FHOD3: variants seen among roughly 807,000 people sequenced by gnomAD.
FHOD3 encodes the protein formin homology 2 domain containing 3.
A neutral mutation model predicts 173.0 loss-of-function variants in FHOD3; 90 were observed. The observed-to-expected ratio is 0.52, with a 90% CI of 0.44 to 0.62. FHOD3 has a LOEUF of 0.62. Among genes scored for constraint, FHOD3 ranks in the 20% least tolerant of loss-of-function variants. FHOD3 has a pLI of 0.00. For missense variants in FHOD3, 1,945 were observed against 2,034.7 expected (o/e 0.96, Z 0.85); for synonymous variants, 828 against 823.0 (o/e 1.01, Z -0.10).
intron 23 of FHOD3, among the ~76,000 whole-genome samples, chr18:36,745,778 C>T (rs1330580087): frequency 6.7e-6 from 1 of 148,950 alleles, no homozygotes; most frequent in Non-Finnish European, 1.5e-5. Context: ...GCACCTGCCA[C>T]TCATCCCCCC....
chr18:36,623,374 T>C (rs2033856495), intron 9 of FHOD3, among the ~76,000 whole-genome samples: 3 of 152,218 alleles, frequency 2.0e-5, no homozygotes, highest in African/African-American at 7.2e-5. Context: ...TCAGAATAAG[T>C]TCAAATGGTC....
At chr18:36,369,421 C>CTTTGT (rs1173829183) in intron 2 of FHOD3, among the ~76,000 whole-genome samples, 1 of 130,084 alleles carries the variant, frequency 7.7e-6, no homozygotes, top group East Asian at 2.6e-4. Flanking sequence ...GGTGGATGTC[C>CTTTGT]TTTGTTTTAT....
At chr18:36,414,524 G>A (rs1448322798) in intron 3 of FHOD3, among the ~76,000 whole-genome samples, 5 of 152,188 alleles carry the variant, frequency 3.3e-5, no homozygotes, top group Non-Finnish European at 2.9e-5. Flanking sequence ...TGCCACAGAA[G>A]CTCCTGTCTT....
intron 11 of FHOD3, among the ~76,000 whole-genome samples, chr18:36,649,896 C>T (rs2035935972): frequency 1.3e-5 from 2 of 152,200 alleles, no homozygotes; most frequent in Non-Finnish European, 2.9e-5. Flanking sequence ...CCCCATGCAT[C>T]ATAGCAAAAT....
chr18:36,630,237 A>G (rs2034415198), intron 10 of FHOD3, among the ~76,000 whole-genome samples: 1 of 152,176 alleles, frequency 6.6e-6, no homozygotes, highest in African/African-American at 2.4e-5. Flanking sequence ...GATCTATAGA[A>G]TATATTTCTA....
intron 3 of FHOD3, among the ~76,000 whole-genome samples, chr18:36,464,370 A>G (rs1212378765): frequency 6.6e-6 from 1 of 152,182 alleles, no homozygotes; most frequent in Non-Finnish European, 1.5e-5. Flanking sequence ...GAAAATGCTT[A>G]CTGCTATTTG....
chr18:36,649,465 T>G, intron 11 of FHOD3, 60 bp downstream of exon 11: 1 of 1,322,972 alleles, frequency 7.6e-7, no homozygotes, highest in Non-Finnish European at 1.0e-6. Flanking sequence ...TTCCTAATGA[T>G]AGTTCACTGC....
chr18:36,436,971 C>T (rs1415659122), intron 3 of FHOD3, among the ~76,000 whole-genome samples: 1 of 152,208 alleles, frequency 6.6e-6, no homozygotes, highest in Non-Finnish European at 1.5e-5. Context: ...TTAGACATAT[C>T]TTAGCCCCTG....
chr18:36,448,732 A>G (rs910911922), intron 3 of FHOD3, among the ~76,000 whole-genome samples: 9 of 60,922 alleles, frequency 1.5e-4, no homozygotes, highest in African/African-American at 1.1e-3. Flanking sequence ...ACAACTCAGG[A>G]TGGGAGCCTG....
chr18:36,497,998 A>G (rs760723178), intron 3 of FHOD3, among the ~76,000 whole-genome samples: 1 of 152,212 alleles, frequency 6.6e-6, no homozygotes, highest in Non-Finnish European at 1.5e-5. Flanking sequence ...GATAAAGTAT[A>G]TGTTCTGACC....
intron 3 of FHOD3, among the ~76,000 whole-genome samples, chr18:36,426,530 G>T (rs1451211482): frequency 6.6e-6 from 1 of 152,222 alleles, no homozygotes; most frequent in East Asian, 1.9e-4. Context: ...GACTGGGGGA[G>T]CAGGTGCCTA....
chr18:36,709,138 A>G lies in FHOD3; in HGVS notation c.2280A>G (p.Glu760=). ...DPEPESEAEP[E]AEAGAGQVAD... ...AACCCGAATCAGAGGCAGAACCGGAAGCAGAGGCAGGGGCGGGGCAGGTTG... is the reference window on the plus strand; with the variant it reads ...AACCCGAATCAGAGGCAGAACCGGAGGCAGAGGCAGGGGCGGGGCAGGTTG... The change falls in exon 18 of 29, where the codon GAA becomes GAG. Residue 760 remains glutamate (E), a synonymous_variant. Transcript: ENST00000590592. 1 of 1,613,992 alleles carries G rather than the reference A, an allele frequency of 6.2e-7. No homozygotes were observed. Among genetic ancestry groups the G allele is most frequent in the Non-Finnish European group, 8.5e-7 (1 of 1,179,856 alleles).
chr18:36,406,089 G>GTTTT (rs763484942), intron 3 of FHOD3, among the ~76,000 whole-genome samples: 1 of 135,730 alleles, frequency 7.4e-6, no homozygotes, highest in South Asian at 2.6e-4. Context: ...TTTTGTTTTT[G>GTTTT]TTTTTGTTTT....
At chr18:36,742,363 A>G (rs2041945402) in intron 21 of FHOD3, among the ~76,000 whole-genome samples, 1 of 152,168 alleles carries the variant, frequency 6.6e-6, no homozygotes, top group Admixed American at 6.5e-5. Context: ...TTTCATTGCC[A>G]ATCTGCCTGG....
chr18:36,720,518 G>C (rs2040705270), intron 19 of FHOD3, among the ~76,000 whole-genome samples: 1 of 152,050 alleles, frequency 6.6e-6, no homozygotes, highest in Non-Finnish European at 1.5e-5. Flanking sequence ...GATTACAGGA[G>C]TGAGCCACTG....
At chr18:36,395,438 A>G (rs183116172) in intron 3 of FHOD3, among the ~76,000 whole-genome samples, 2 of 152,340 alleles carry the variant, frequency 1.3e-5, no homozygotes, top group Admixed American at 1.3e-4. Flanking sequence ...AAAGTTCACC[A>G]TCAATCTTTA....
chr18:36,514,025 T>TTTTTTTTCTTC, intron 5 of FHOD3, among the ~76,000 whole-genome samples: 1 of 142,868 alleles, frequency 7.0e-6, no homozygotes, highest in Non-Finnish European at 1.5e-5. Context: ...TTTTTTTTTT[T>TTTTTTTTCTTC]TGAGATGGAG....
At position 36,466,584 on chromosome 18, in the gene FHOD3, T is replaced by C. The variant is rs79481573; in HGVS notation, c.338-35348T>C. 5.3e-3 allele frequency among the ~76,000 whole-genome samples: 814 copies of C among 152,310 alleles called. 10 individuals are homozygous for C. Among genetic ancestry groups the C allele is most frequent in the African/African-American group, 0.019 (781 of 41,568 alleles). ...ATAGATCATTGGTAGATTTAAAGAT[T>C]TTCTGATTTGCAATTGGTTAAAGAA... On this transcript the variant is annotated intron_variant, in intron 3 of 28. Transcript: ENST00000590592.
At chr18:36,739,221 C>T (rs901714929) in intron 20 of FHOD3, among the ~76,000 whole-genome samples, 3 of 152,174 alleles carry the variant, frequency 2.0e-5, no homozygotes, top group Non-Finnish European at 2.9e-5. Flanking sequence ...TCTAAACAAC[C>T]CACCCCTCAA....
Sources: allele counts gnomAD v4.1 joint callset (sites outside exome capture counted in the v4.1 genomes callset), GRCh38; gene constraint gnomAD v4.1.1; transcripts MANE v1.5; gene names NCBI Gene and HGNC (gene_info 2026-07-23, HGNC 2026-07-21).